GRIN2C: variants seen among roughly 807,000 people sequenced by gnomAD.
The protein encoded by GRIN2C is glutamate receptor ionotropic, NMDA 2C.
In GRIN2C, 64 loss-of-function variants were observed where a neutral mutation model predicts 77.7. The ratio of observed to expected loss-of-function variants is 0.82; its 90% CI spans 0.67 to 1.01. The LOEUF (loss-of-function observed/expected upper bound fraction) is 1.01, where lower values mean the gene tolerates loss of function less well. GRIN2C is among the 50% of genes least tolerant of loss of function. The pLI is 0.00. For synonymous variants in GRIN2C, 792 were observed against 643.4 expected (o/e 1.23, Z -3.49); for missense variants, 1,549 against 1,486.0 (o/e 1.04, Z -0.70).
Position 74,852,166 on chromosome 17 carries a change from C to A in GRIN2C, c.845G>T (p.Arg282Leu), listed in dbSNP as rs774148997. Residue 282 changes from arginine (R) to leucine (L), a missense_variant, in exon 3 of 13, where the codon CGC (arginine) becomes CTC (leucine). Arg to Leu is a moderately radical substitution (Grantham distance 102, BLOSUM62 -2). Transcript: ENST00000293190. Reference protein sequence around the residue: ...GLISVVTESWRLSLRQKVRDG... With the variant: ...GLISVVTESWLLSLRQKVRDG... Reference sequence around the variant, plus strand: ...GCGCACCTTCTGGCGCAGGCTGAGGCGCCAGCTCTCGGTGACGACGCTGAT... The same window carrying A: ...GCGCACCTTCTGGCGCAGGCTGAGGAGCCAGCTCTCGGTGACGACGCTGAT... The A allele has an allele frequency of 1.4e-6, 2 of 1,456,932 alleles. No homozygotes were observed. The highest frequency in any genetic ancestry group is 2.7e-5 in the South Asian group (2 of 75,148). The allele number at this position is 1,456,932 out of a possible 1,614,324, so 90.3% of individuals were successfully genotyped here. A position where few individuals can be genotyped will look rare whatever the true frequency, so the allele number is the denominator to read the frequency against.
intron 1 of GRIN2C, among the ~76,000 whole-genome samples, chr17:74,855,587 G>A (rs2037797857): frequency 6.6e-6 from 1 of 152,224 alleles, no homozygotes; most frequent in South Asian, 2.1e-4. Flanking sequence ...GCAGTGTGAG[G>A]ACTTAGATGA....
chr17:74,844,929 A>ATTATTG (rs2037410924), intron 11 of GRIN2C, among the ~76,000 whole-genome samples: 1 of 151,940 alleles, frequency 6.6e-6, no homozygotes, highest in African/African-American at 2.4e-5. Flanking sequence ...TCTTATTATT[A>ATTATTG]TTATTGTTAT....
At position 74,842,323 on chromosome 17, in the gene GRIN2C, C is replaced by A; in HGVS notation, c.*112G>T. On this transcript the variant is annotated 3_prime_UTR_variant, in exon 13 of 13. Transcript: ENST00000293190. ...AAGACATCATCTGTCACTGGGGTCC[C>A]ATGGCCAGGATTTCATGGCAGAAGC... 1 of 634,658 alleles carries A rather than the reference C, an allele frequency of 1.6e-6. No homozygotes were observed. Among genetic ancestry groups the A allele is most frequent in the Non-Finnish European group, 2.9e-6 (1 of 348,958 alleles). 39.3% of individuals were successfully genotyped at this position (634,658 alleles called of 1,614,324 possible). A position where few individuals can be genotyped will look rare whatever the true frequency, so the allele number is the denominator to read the frequency against.
chr17:74,854,866 C>T lies in GRIN2C; in HGVS notation c.227G>A (p.Ser76Asn). The T allele has an allele frequency of 6.2e-7, 1 of 1,613,634 alleles. No individual in the cohort carries two copies. The highest frequency in any genetic ancestry group is 8.5e-7 in the Non-Finnish European group (1 of 1,179,650). Residue 76 changes from serine to asparagine, a missense_variant, in exon 2 of 13, where the codon AGC becomes AAC. Ser to Asn is a conservative substitution (Grantham distance 46, BLOSUM62 1). Transcript: ENST00000293190. ...TVGVNTTNPSSLLTQICGLLG... is the reference protein window; with the variant it reads ...TVGVNTTNPSNLLTQICGLLG... ...GAGGCCGCAGATCTGGGTGAGGAGG[C>T]TGCTGGGGTTGGTGGTGTTGACCCC...
chr17:74,855,037 G>GA lies in GRIN2C; in HGVS notation c.55_56insT (p.Ala19ValfsTer19). 6.3e-7 allele frequency: 1 copy of GA among 1,599,934 alleles called. No homozygotes were observed. The highest frequency in any genetic ancestry group is 8.5e-7 in the Non-Finnish European group (1 of 1,178,804). ...CTCGCCCTGCCCCGGACCCAGCCCT[G>GA]CCCAGGCACCGAAGAGCGAGGTGAG... On this transcript the variant is annotated frameshift_variant, in exon 2 of 13. Coordinates refer to ENST00000293190, the MANE Select transcript of GRIN2C (RefSeq NM_000835.6). LOFTEE classifies it high-confidence loss of function.
intron 4 of GRIN2C, 72 bp downstream of exon 4, chr17:74,851,505 G>T (rs998701722): frequency 3.6e-6 from 3 of 829,382 alleles, no homozygotes; most frequent in Non-Finnish European, 6.1e-6. Flanking sequence ...TCTCTGCTCA[G>T]CTGTGGGCAC....
intron 7 of GRIN2C, among the ~76,000 whole-genome samples, chr17:74,848,236 G>A (rs1274488124): frequency 2.6e-5 from 4 of 151,606 alleles, no homozygotes; most frequent in African/African-American, 4.9e-5. Context: ...CCCAAGAAAC[G>A]TTCCTTTGAC....
intron 1 of GRIN2C, among the ~76,000 whole-genome samples, chr17:74,856,428 C>G (rs536823877): frequency 6.6e-6 from 1 of 151,800 alleles, no homozygotes; most frequent in Admixed American, 6.6e-5. Context: ...TGGGCAGGCT[C>G]CAGCTTTCTC....
Position 74,849,893 on chromosome 17 carries a change from G to C in GRIN2C, c.1532C>G (p.Thr511Ser). The C allele has an allele frequency of 2.5e-6, 4 of 1,613,538 alleles. No individual in the cohort carries two copies. The highest frequency in any genetic ancestry group is 3.4e-6 in the Non-Finnish European group (4 of 1,179,688). The change falls in exon 7 of 13, where the codon ACC (threonine) becomes AGC (serine). Residue 511 changes from threonine to serine, a missense_variant. Thr to Ser is a moderately conservative substitution (Grantham distance 58, BLOSUM62 1). Transcript: ENST00000293190. This position sits in a 1 kb window ranked among gnomAD's most constrained non-coding sequence, Gnocchi z 4.6. ...KRADMAIGSL[T>S]INEERSEIVD... ...GATCTCGGAGCGTTCCTCATTGATG[G>C]TGAGGGAGCCGATGGCCATGTCTGC...
Position 74,852,566 on chromosome 17 carries a change from GCT to G in GRIN2C, c.443_444del (p.Gln148ProfsTer272). The part of the protein sequence containing the change: ...AFLQLGVSLE[Q>X]QLQVLFKVLE... ...AGCACCTTGAACAGCACCTGCAGCTGCTGCTCCAGGGACACGCCCAGCTGCAG... is the reference window on the plus strand; with the variant it reads ...AGCACCTTGAACAGCACCTGCAGCTGGCTCCAGGGACACGCCCAGCTGCAG... On this transcript the variant is annotated frameshift_variant, in exon 3 of 13. Transcript: ENST00000293190. LOFTEE classifies it high-confidence loss of function. 6.7e-6 allele frequency: 10 copies of G among 1,499,950 alleles called. No homozygotes were observed. The highest frequency in any genetic ancestry group is 8.9e-6 in the Non-Finnish European group (10 of 1,126,888). 92.9% of individuals were successfully genotyped at this position (1,499,950 alleles called of 1,614,324 possible). A position where few individuals can be genotyped will look rare whatever the true frequency, so the allele number is the denominator to read the frequency against.
At chr17:74,854,639 AC>A (rs1192055814) in intron 2 of GRIN2C, 54 bp downstream of exon 2, 2 of 1,502,154 alleles carry the variant, frequency 1.3e-6, no homozygotes. Flanking sequence ...AGCACCCCCG[AC>A]CCCAGCCTGG....
At chr17:74,855,367 G>T (rs2037793043) in intron 1 of GRIN2C, among the ~76,000 whole-genome samples, 1 of 152,214 alleles carries the variant, frequency 6.6e-6, no homozygotes. Flanking sequence ...CCGGGACCCA[G>T]CCCTCCAGTC....
chr17:74,854,444 C>T (rs1317087976), intron 2 of GRIN2C: 1 of 448,168 alleles, frequency 2.2e-6, no homozygotes, highest in Non-Finnish European at 4.0e-6. Flanking sequence ...GCCTGAGCCC[C>T]ACAGCCAGAG....
Position 74,842,773 on chromosome 17 carries a change from ACTGCGC to A in GRIN2C, c.3358_3363del (p.Ala1120_Gln1121del), listed in dbSNP as rs774817443. ...TCCCGGTAGATCGGCAAGCACATCG[ACTGCGC>A]CTGCGCCAAGCGCCTGCAGGCCGAG... On this transcript the variant is annotated inframe_deletion, in exon 13 of 13. Transcript: ENST00000293190. The A allele has an allele frequency of 3.4e-4, 231 of 676,360 alleles. No homozygotes were observed. In the African/African-American group the frequency reaches 3.5e-3, roughly 10 times the overall value. The allele number at this position is 676,360 out of a possible 1,614,324, so 41.9% of individuals were successfully genotyped here. A position where few individuals can be genotyped will look rare whatever the true frequency, so the allele number is the denominator to read the frequency against.
intron 2 of GRIN2C, chr17:74,854,129 TC>T (rs2037743441): frequency 6.6e-6 from 1 of 152,458 alleles, no homozygotes; most frequent in African/African-American, 2.4e-5. Context: ...CCAGAGACTT[TC>T]CCTGGCCAAC....
intron 4 of GRIN2C, chr17:74,851,087 C>A: frequency 2.4e-6 from 1 of 420,022 alleles, no homozygotes; most frequent in Non-Finnish European, 4.4e-6. Context: ...TCTGTCTCTT[C>A]CAGGCTAGCA....
chr17:74,843,677 G>T, intron 12 of GRIN2C, 124 bp from the exon 13 acceptor site: 1 of 1,291,896 alleles, frequency 7.7e-7, no homozygotes, highest in Non-Finnish European at 1.1e-6. Context: ...AGCTAACTGT[G>T]AAGCATCTCC....
In GRIN2C at chr17:74,847,962, G is replaced by A; in HGVS notation, c.1661C>T (p.Ala554Val). Reference sequence around the variant, plus strand: ...CATGACAAACATCATCACCCACACTGCAGGGCTATATGGCTCTGGGGACAG... The same window carrying A: ...CATGACAAACATCATCACCCACACTACAGGGCTATATGGCTCTGGGGACAG... The part of the protein sequence containing the change: ...PSAFLEPYSP[A>V]VWVMMFVMCL... Residue 554 changes from alanine (A) to valine (V), a missense_variant, in exon 8 of 13, where the codon GCA becomes GTA. Around this residue, in one of 3 missense-constraint regions of GRIN2C, gnomAD observed 717 missense variants for 858.1 expected, o/e 0.84. Coordinates refer to ENST00000293190, the MANE Select transcript of GRIN2C (RefSeq NM_000835.6). This position sits in a 1 kb window ranked among gnomAD's most constrained non-coding sequence, Gnocchi z 5.2. 6.2e-7 allele frequency: 1 copy of A among 1,614,084 alleles called. No individual in the cohort carries two copies. The highest frequency in any genetic ancestry group is 8.5e-7 in the Non-Finnish European group (1 of 1,179,966).
chr17:74,861,007 G>T (rs562696054), upstream of GRIN2C, among the ~76,000 whole-genome samples: 6 of 152,066 alleles, frequency 3.9e-5, no homozygotes, highest in Non-Finnish European at 5.9e-5. Flanking sequence ...CCCCACTCCC[G>T]GCCCTGTTCC....
Sources: gnomAD v4.1 joint callset for allele counts (sites outside exome capture counted in the v4.1 genomes callset) on GRCh38, gnomAD v4.1.1 for gene constraint, gnomAD v4.1.1 regional missense constraint, Gnocchi (gnomAD v3.1) non-coding constraint, MANE v1.5 for transcripts, NCBI Gene and HGNC (gene_info 2026-07-23, HGNC 2026-07-21) for gene names.